The following KAZN variants were observed in gnomAD, a reference collection of about 807,000 sequenced individuals.
The protein encoded by KAZN is kazrin, periplakin interacting protein.
In KAZN, 40 loss-of-function variants were observed where a neutral mutation model predicts 87.4. That is an observed-to-expected ratio of 0.46 (90% confidence interval 0.36 to 0.60). KAZN has a LOEUF of 0.60. KAZN is among the 20% of genes least tolerant of loss of function. The probability of loss-of-function intolerance (pLI) is 0.00; values close to 1 mark genes in which losing one functional copy is unlikely to be tolerated. For synonymous variants in KAZN, 466 were observed against 458.3 expected (o/e 1.02, Z -0.22); for missense variants, 898 against 1,073.9 (o/e 0.84, Z 2.29).
intron 5 of KAZN, among the ~76,000 whole-genome samples, chr1:15,059,359 G>T (rs925622037): frequency 1.3e-5 from 2 of 152,228 alleles, no homozygotes; most frequent in African/African-American, 4.8e-5. Flanking sequence ...AACAGGAATG[G>T]CAGAGACCAA....
chr1:14,807,747 T>A (rs1390811265), intron 1 of KAZN, among the ~76,000 whole-genome samples: 1 of 152,002 alleles, frequency 6.6e-6, no homozygotes, highest in African/African-American at 2.4e-5. Context: ...GCAGCCTGGG[T>A]GACAGAGTAA....
At chr1:15,090,186 T>G (rs1001328287) in intron 8 of KAZN, among the ~76,000 whole-genome samples, 1 of 152,226 alleles carries the variant, frequency 6.6e-6, no homozygotes, top group African/African-American at 2.4e-5. Flanking sequence ...CTGAGGTCTG[T>G]TCAACTCCAA....
intron 1 of KAZN, among the ~76,000 whole-genome samples, chr1:14,831,951 T>C (rs930148774): frequency 2.0e-4 from 31 of 152,198 alleles, no homozygotes; most frequent in Admixed American, 1.1e-3. Flanking sequence ...TCGCAGCACT[T>C]TGGGAGGCCG....
chr1:14,757,194 T>C (rs1644594366), intron 1 of KAZN, among the ~76,000 whole-genome samples: 1 of 152,200 alleles, frequency 6.6e-6, no homozygotes, highest in Non-Finnish European at 1.5e-5. Flanking sequence ...AATTAATAGT[T>C]ACAATATATG....
At chr1:14,335,926 C>T (rs575358588) in intron 2 of KAZN, among the ~76,000 whole-genome samples, 5 of 152,254 alleles carry the variant, frequency 3.3e-5, no homozygotes, top group South Asian at 2.1e-4. Context: ...CAATCTAGGA[C>T]AAAGAAGACA....
intron 2 of KAZN, among the ~76,000 whole-genome samples, chr1:14,359,955 T>A (rs986908464): frequency 6.6e-6 from 1 of 152,220 alleles, no homozygotes; most frequent in Non-Finnish European, 1.5e-5. Flanking sequence ...TGGTGGTATC[T>A]GTATTTCCTG....
chr1:14,388,616 TA>T (rs889384614), intron 2 of KAZN, among the ~76,000 whole-genome samples: 2 of 152,112 alleles, frequency 1.3e-5, no homozygotes, highest in African/African-American at 4.8e-5. Flanking sequence ...GTCTCTTCAA[TA>T]AATGATGCAG....
At chr1:14,953,471 A>C (rs762263147) in intron 1 of KAZN, among the ~76,000 whole-genome samples, 11 of 152,224 alleles carry the variant, frequency 7.2e-5, no homozygotes, top group Non-Finnish European at 1.2e-4. Context: ...ACCTTGGCCA[A>C]GCCATTTAAC....
chr1:15,101,957 TCCAGCCAG>T (rs1179732586), intron 11 of KAZN, among the ~76,000 whole-genome samples, 183 bp downstream of exon 11: 1 of 152,166 alleles, frequency 6.6e-6, no homozygotes, highest in South Asian at 2.1e-4. Flanking sequence ...CCAGCCATCA[TCCAGCCAG>T]CCAGCCAGTC....
At position 14,512,442 on chromosome 1, in the gene KAZN, T is replaced by C. The variant is rs1255222453; in HGVS notation, c.250-86541T>C. On this transcript the variant is annotated intron_variant, in intron 2 of 16. Transcript: ENST00000636203. The stretch of plus-strand genomic sequence containing the variant: ...TGACAAACAAAAATGTCTACAAATG[T>C]TGACGAATGTCCCCTGGGTGGCGCA... 3.6e-4 allele frequency among the ~76,000 whole-genome samples: 55 copies of C among 152,142 alleles called. 1 individual carries two copies. The highest frequency in any genetic ancestry group is 1.0e-4 in the Non-Finnish European group (7 of 68,028).
chr1:14,814,878 G>A (rs1646518217), intron 1 of KAZN, among the ~76,000 whole-genome samples: 1 of 152,218 alleles, frequency 6.6e-6, no homozygotes, highest in Non-Finnish European at 1.5e-5. Flanking sequence ...TTAGCATGCA[G>A]CATGGATACG....
chr1:14,842,714 A>C (rs1050836127), intron 1 of KAZN, among the ~76,000 whole-genome samples: 2 of 152,238 alleles, frequency 1.3e-5, no homozygotes, highest in African/African-American at 4.8e-5. Flanking sequence ...TACAATTTGC[A>C]AGGGGATTTT....
chr1:14,022,485 C>CAAAAAAAAAAAAAAA lies in KAZN; in HGVS notation c.91+128744_91+128758dup, dbSNP rs58713618. On this transcript the variant is annotated intron_variant, in intron 1 of 16. Coordinates refer to the KAZN transcript ENST00000636203. ...CATTATAGCTTTCACGTATTTAAAG[C>CAAAAAAAAAAAAAAA]AAAAAAAAAAAAAAAAAAAAAAAAA... Among the ~76,000 whole-genome samples the CAAAAAAAAAAAAAAA allele has an allele frequency of 2.0e-3, 217 of 110,500 alleles. 2 individuals carry two copies. The highest frequency in any genetic ancestry group is 6.5e-3 in the East Asian group (18 of 2,768). The allele number at this position is 110,500 out of a possible 152,430, so 72.5% of individuals were successfully genotyped here.
chr1:14,304,940 T>A (rs144101572), intron 2 of KAZN, among the ~76,000 whole-genome samples: 1 of 139,512 alleles, frequency 7.2e-6, no homozygotes, highest in Non-Finnish European at 1.5e-5. Flanking sequence ...CAGCCAAAGC[T>A]AGTTTTTTTT....
intron 2 of KAZN, among the ~76,000 whole-genome samples, chr1:14,406,692 A>G (rs1484672373): frequency 2.6e-5 from 4 of 152,218 alleles, no homozygotes; most frequent in Non-Finnish European, 4.4e-5. Flanking sequence ...ACCTATGGAA[A>G]TTAAAAAATT....
At chr1:14,488,297 A>T (rs991393845) in intron 2 of KAZN, among the ~76,000 whole-genome samples, 4 of 152,118 alleles carry the variant, frequency 2.6e-5, no homozygotes, top group Non-Finnish European at 5.9e-5. Context: ...TGTTGGGGAG[A>T]GAGGAAGAAA....
chr1:14,479,623 C>T (rs7417475), intron 2 of KAZN, among the ~76,000 whole-genome samples: 1 of 152,192 alleles, frequency 6.6e-6, no homozygotes, highest in Non-Finnish European at 1.5e-5. Context: ...CCCTGACAAT[C>T]CTAGGCAGAG....
rs559065106 is a variant in KAZN at position 14,128,247 on chromosome 1, G to A, written c.92-52188G>A. Among the ~76,000 whole-genome samples the A allele has an allele frequency of 2.0e-5, 3 of 151,980 alleles. No individual in the cohort carries two copies. In the South Asian group the frequency reaches 6.3e-4, roughly 32 times the overall value. ...TTGGTGCACAATGCCACCAAGGGGT[G>A]CTGGTGCCTGAGGCTGGCATGAAGG... On this transcript the variant is annotated intron_variant, in intron 1 of 16. Transcript: ENST00000636203.
intron 1 of KAZN, among the ~76,000 whole-genome samples, chr1:14,818,426 G>A (rs979058981): frequency 7.9e-5 from 12 of 152,222 alleles, no homozygotes; most frequent in African/African-American, 2.9e-4. Flanking sequence ...ACCCAGGTGG[G>A]TGCCACAGCA....
Sources: gnomAD v4.1 joint callset for allele counts (sites outside exome capture counted in the v4.1 genomes callset) on GRCh38, gnomAD v4.1.1 for gene constraint, MANE v1.5 for transcripts, NCBI Gene and HGNC (gene_info 2026-07-23, HGNC 2026-07-21) for gene names.